The following PDXDC1 variants were observed in gnomAD, a reference collection of about 807,000 sequenced individuals.
The protein encoded by PDXDC1 is pyridoxal dependent decarboxylase domain containing 1.
Under a neutral mutation model 100.1 loss-of-function variants are expected in PDXDC1, and 42 were observed. That is an observed-to-expected ratio of 0.42 (90% CI 0.33 to 0.54). PDXDC1 has a LOEUF of 0.54. PDXDC1 is among the 20% of genes least tolerant of loss of function. The pLI, the probability that PDXDC1 is intolerant of heterozygous loss-of-function variation, is 0.10. For missense variants in PDXDC1, 636 were observed against 979.2 expected (o/e 0.65, Z 4.68); for synonymous variants, 260 against 371.7 (o/e 0.70, Z 3.46).
At chr16:15,043,255 C>T (rs575053478), downstream of PDXDC1, among the ~76,000 whole-genome samples, 14 of 150,944 alleles carry the variant, frequency 9.3e-5, no homozygotes, top group Admixed American at 3.3e-4. Context: ...AGGCTGGTGT[C>T]GAACTCCTGA....
intron 16 of PDXDC1, chr16:15,079,934 A>C (rs1307295731): frequency 1.4e-6 from 2 of 1,467,936 alleles, no homozygotes; most frequent in Non-Finnish European, 1.8e-6. Context: ...TTGTTTCCAC[A>C]TACTGTGATT....
downstream of PDXDC1, among the ~76,000 whole-genome samples, chr16:15,142,127 G>A (rs907550904): frequency 6.6e-6 from 1 of 152,182 alleles, no homozygotes; most frequent in Admixed American, 6.5e-5. Flanking sequence ...GGAAAAGCCT[G>A]AAGATGTTTG....
intron 16 of PDXDC1, chr16:15,127,030 C>T (rs970079894): frequency 9.5e-5 from 33 of 345,782 alleles, no homozygotes; most frequent in African/African-American, 6.0e-4. Context: ...GACTCAGATC[C>T]GCCCACCTCG....
At chr16:15,130,853 C>T (rs555150822) in intron 16 of PDXDC1, 10,432 of 733,634 alleles carry the variant, frequency 0.014, 133 homozygotes, top group Middle Eastern at 0.019. Flanking sequence ...GGGACACCCA[C>T]GATGGCCCTC....
intron 7 of PDXDC1, 28 bp downstream of exon 7, chr16:15,008,875 C>T (rs2041024147): frequency 1.2e-6 from 2 of 1,603,828 alleles, no homozygotes; most frequent in South Asian, 1.1e-5. Flanking sequence ...TTTGTAAAAT[C>T]ATGTGGGATT....
intron 16 of PDXDC1, among the ~76,000 whole-genome samples, chr16:15,080,250 T>C (rs934399874): frequency 2.0e-5 from 3 of 152,234 alleles, no homozygotes; most frequent in African/African-American, 7.2e-5. Flanking sequence ...TGTTTCTACA[T>C]GTATTATGTT....
chr16:15,005,676 A>G (rs1321239593), intron 5 of PDXDC1, among the ~76,000 whole-genome samples: 2 of 152,282 alleles, frequency 1.3e-5, no homozygotes, highest in Non-Finnish European at 2.9e-5. Context: ...AGCAGATTAT[A>G]GTAAAACCAA....
At chr16:15,038,357 A>G (rs1210536141), downstream of PDXDC1, 2 of 659,010 alleles carry the variant, frequency 3.0e-6, no homozygotes, top group South Asian at 2.1e-5. Context: ...GTAAGAAAAA[A>G]GTTGATTGCT....
intron 16 of PDXDC1, among the ~76,000 whole-genome samples, chr16:15,079,689 T>G (rs1223597944): frequency 6.6e-6 from 1 of 152,016 alleles, no homozygotes; most frequent in Non-Finnish European, 1.5e-5. Context: ...GCCTCCCGGA[T>G]TCAAGCAATT....
chr16:15,141,770 G>A (rs1165320055), downstream of PDXDC1, among the ~76,000 whole-genome samples: 1 of 152,228 alleles, frequency 6.6e-6, no homozygotes, highest in African/African-American at 2.4e-5. Flanking sequence ...GGGACAGGGT[G>A]GCGGCTGGGA....
chr16:15,034,657 G>A (rs1166295496), intron 21 of PDXDC1, 104 bp downstream of exon 21: 14 of 847,650 alleles, frequency 1.7e-5, no homozygotes, highest in Non-Finnish European at 2.6e-5. Context: ...CCTGGTTCCC[G>A]TTCTTCATCA....
At chr16:15,077,918 C>A (rs1221672761) in intron 16 of PDXDC1, among the ~76,000 whole-genome samples, 1 of 152,190 alleles carries the variant, frequency 6.6e-6, no homozygotes. Flanking sequence ...TGGACTAATA[C>A]AATCTCTATG....
intron 8 of PDXDC1, among the ~76,000 whole-genome samples, chr16:15,013,274 G>A (rs868442080): frequency 1.4e-4 from 22 of 152,180 alleles, no homozygotes; most frequent in Middle Eastern, 3.4e-3. Flanking sequence ...GCTTGAACCC[G>A]GGAGGCGGAG....
At chr16:15,132,822 G>C (rs1442943320) in intron 16 of PDXDC1, 2 of 1,480,794 alleles carry the variant, frequency 1.4e-6, no homozygotes, top group Non-Finnish European at 1.9e-6. Context: ...ATCTGGGCTC[G>C]GCGCTGCCGC....
chr16:15,144,658 C>G, the PDXDC1 span, among the ~76,000 whole-genome samples: 1 of 152,208 alleles, frequency 6.6e-6, no homozygotes, highest in Non-Finnish European at 1.5e-5. Flanking sequence ...CAACTGTTCC[C>G]AGGATGAGAC....
intron 15 of PDXDC1, chr16:15,029,600 T>G (rs1278687278): frequency 2.1e-6 from 1 of 466,892 alleles, no homozygotes; most frequent in Non-Finnish European, 3.7e-6. Context: ...TCAAGTAGCA[T>G]GTTTTATGAC....
chr16:15,135,771 A>G lies in PDXDC1; in HGVS notation c.1400-3108A>G, dbSNP rs1598277705. 1.3e-5 allele frequency: 21 copies of G among 1,596,456 alleles called. No homozygotes were observed. The East Asian group carries it at 4.2e-4, about 32-fold the overall frequency. ...TCCTGTGTGTCTGACCACACGCGGT[A>G]TGAGCCACCCTCAGTGATGGGCACC... On this transcript the variant is annotated intron_variant, in intron 16 of 16. Transcript: ENST00000535621.
At chr16:15,055,941 G>A (rs1426045761) in intron 16 of PDXDC1, 1 of 1,231,600 alleles carries the variant, frequency 8.1e-7, no homozygotes, top group Non-Finnish European at 1.0e-6. Flanking sequence ...TGCGGCAGCC[G>A]CACTCGCCGC....
chr16:15,141,368 C>A (rs955132100), downstream of PDXDC1, among the ~76,000 whole-genome samples: 5 of 152,246 alleles, frequency 3.3e-5, no homozygotes, highest in Non-Finnish European at 5.9e-5. Context: ...AGGAAGCAGC[C>A]CCAGCCACGG....
Sources: gnomAD v4.1 joint callset for allele counts (sites outside exome capture counted in the v4.1 genomes callset) on GRCh38, gnomAD v4.1.1 for gene constraint, MANE v1.5 for transcripts, NCBI Gene and HGNC (gene_info 2026-07-23, HGNC 2026-07-21) for gene names.